Variants in ZNF420 observed in about 807,000 individuals in gnomAD.
ZNF420 encodes the protein ATM and p53-associated KZNF protein.
In ZNF420, 31 loss-of-function variants were observed where a neutral mutation model predicts 44.7. That is an observed-to-expected ratio of 0.69 (90% CI 0.52 to 0.94). ZNF420 has a LOEUF of 0.94. Ranked by LOEUF, ZNF420 falls within the 40% of genes least tolerant of loss-of-function variation. The pLI, the probability that ZNF420 is intolerant of heterozygous loss-of-function variation, is 0.00. For synonymous variants in ZNF420, 245 were observed against 267.4 expected (o/e 0.92, Z 0.82); for missense variants, 681 against 827.9 (o/e 0.82, Z 2.18).
chr19:37,019,937 G>C (rs1182720373), intron 1 of ZNF420, among the ~76,000 whole-genome samples: 3 of 152,028 alleles, frequency 2.0e-5, no homozygotes, highest in Admixed American at 6.6e-5. Context: ...ATTCCCCTTG[G>C]CCGAGCGTGG....
At chr19:37,116,380 A>G (rs1254779595) in intron 4 of ZNF420, among the ~76,000 whole-genome samples, 1 of 151,810 alleles carries the variant, frequency 6.6e-6, no homozygotes, top group East Asian at 1.9e-4. Context: ...AAAAAAAAAA[A>G]AAAAAAAAAA....
intron 4 of ZNF420, among the ~76,000 whole-genome samples, chr19:37,114,376 G>A (rs888699710): frequency 2.6e-5 from 4 of 152,108 alleles, no homozygotes; most frequent in Admixed American, 1.3e-4. Context: ...ATTTTCCACC[G>A]GCTGATATTG....
chr19:37,008,218 CGG>C, intron 1 of ZNF420: 1 of 295,586 alleles, frequency 3.4e-6, no homozygotes, highest in Non-Finnish European at 6.4e-6. Flanking sequence ...CTGGGGCGGG[CGG>C]GGGGGGATGT....
intron 1 of ZNF420, among the ~76,000 whole-genome samples, chr19:37,041,389 G>A (rs560468331): frequency 6.0e-5 from 9 of 150,588 alleles, no homozygotes; most frequent in Admixed American, 2.0e-4. Flanking sequence ...TGCTGTTTTC[G>A]TAATAAAAGC....
exon 1 of ZNF420, chr19:37,007,941 T>A (rs1697339827): frequency 6.2e-6 from 1 of 160,032 alleles, no homozygotes; most frequent in African/African-American, 2.4e-5. Context: ...CGGCCTCACC[T>A]CTCCAGGAGG....
At chr19:37,059,613 C>G (rs370623294) in intron 1 of ZNF420, among the ~76,000 whole-genome samples, 2 of 152,110 alleles carry the variant, frequency 1.3e-5, no homozygotes, top group Non-Finnish European at 2.9e-5. Flanking sequence ...CAGGCCTGCC[C>G]GGACGTGTTA....
chr19:37,052,038 G>A (rs575642589), intron 1 of ZNF420, among the ~76,000 whole-genome samples: 1 of 152,254 alleles, frequency 6.6e-6, no homozygotes, highest in African/African-American at 2.4e-5. Context: ...TTATGAATCT[G>A]GGTGCTCCTG....
chr19:37,018,172 T>C (rs2074621243), intron 1 of ZNF420, among the ~76,000 whole-genome samples: 2 of 152,088 alleles, frequency 1.3e-5, no homozygotes, highest in African/African-American at 4.8e-5. Flanking sequence ...CTGAAAGGCA[T>C]CCCCATGTTC....
chr19:37,111,000 A>C (rs1389309963), intron 4 of ZNF420, among the ~76,000 whole-genome samples: 5 of 152,208 alleles, frequency 3.3e-5, no homozygotes, highest in Non-Finnish European at 7.3e-5. Flanking sequence ...TAAAGGGACA[A>C]CTATTTTGTC....
chr19:37,029,064 C>G (rs1388599050), intron 1 of ZNF420, among the ~76,000 whole-genome samples: 1 of 152,170 alleles, frequency 6.6e-6, no homozygotes, highest in East Asian at 1.9e-4. Context: ...CAACCTTTTA[C>G]ATTCCTCTCT....
intron 1 of ZNF420, among the ~76,000 whole-genome samples, chr19:37,034,565 A>T (rs1457300796): frequency 6.6e-6 from 1 of 152,214 alleles, no homozygotes; most frequent in African/African-American, 2.4e-5. Context: ...GTTTACAGTT[A>T]TAAATATATC....
intron 1 of ZNF420, among the ~76,000 whole-genome samples, chr19:37,060,606 GT>G (rs35904534): frequency 0.16 from 24,399 of 151,658 alleles, 2,084 homozygotes; most frequent in African/African-American, 0.22. Flanking sequence ...CTCCAAACCT[GT>G]TTCTGCTTGA....
At chr19:37,123,081 A>T (rs985801176) in intron 4 of ZNF420, among the ~76,000 whole-genome samples, 1 of 152,132 alleles carries the variant, frequency 6.6e-6, no homozygotes, top group African/African-American at 2.4e-5. Context: ...TTCTCTTTTC[A>T]TGTTACATGT....
chr19:37,089,791 C>T (rs1969032663), intron 3 of ZNF420, among the ~76,000 whole-genome samples: 1 of 152,152 alleles, frequency 6.6e-6, no homozygotes, highest in African/African-American at 2.4e-5. Flanking sequence ...GAATTATAAA[C>T]TCTGAGAACC....
intron 1 of ZNF420, among the ~76,000 whole-genome samples, chr19:37,064,250 C>G (rs950992708): frequency 6.6e-6 from 1 of 152,152 alleles, no homozygotes; most frequent in Non-Finnish European, 1.5e-5. Context: ...GGGAGGTACT[C>G]TGAGACTATG....
At chr19:37,090,197 T>C (rs1444695691) in intron 3 of ZNF420, among the ~76,000 whole-genome samples, 1 of 152,208 alleles carries the variant, frequency 6.6e-6, no homozygotes, top group East Asian at 1.9e-4. Context: ...AGTAAGATGT[T>C]CTGTATGCAG....
intron 2 of ZNF420, among the ~76,000 whole-genome samples, chr19:37,086,321 G>A (rs928808391): frequency 2.0e-5 from 3 of 152,094 alleles, no homozygotes; most frequent in South Asian, 2.1e-4. Flanking sequence ...TGAAACAGTG[G>A]AGTACTCAGC....
intron 1 of ZNF420, among the ~76,000 whole-genome samples, chr19:37,023,077 G>T (rs1441305283): frequency 6.6e-6 from 1 of 151,706 alleles, no homozygotes; most frequent in Non-Finnish European, 1.5e-5. Context: ...GGCAGAGGTT[G>T]CAGTGAGCCG....
intron 2 of ZNF420, among the ~76,000 whole-genome samples, chr19:37,088,135 A>G (rs934195400): frequency 6.6e-5 from 10 of 152,222 alleles, no homozygotes; most frequent in African/African-American, 2.2e-4. Context: ...ACGTATTCCA[A>G]TAAAACCTTA....
Sources: allele counts gnomAD v4.1 joint callset (sites outside exome capture counted in the v4.1 genomes callset), GRCh38; gene constraint gnomAD v4.1.1; transcripts MANE v1.5; gene names NCBI Gene and HGNC (gene_info 2026-07-23, HGNC 2026-07-21).